Variants in SERGEF observed in about 807,000 individuals in gnomAD.
SERGEF encodes secretion regulating guanine nucleotide exchange factor.
In SERGEF, 51 loss-of-function variants were observed where a neutral mutation model predicts 50.0. The ratio of observed to expected loss-of-function variants is 1.02; its 90% CI spans 0.81 to 1.29. The LOEUF (loss-of-function observed/expected upper bound fraction) is 1.29. Among genes scored for constraint, SERGEF ranks in the 50% most tolerant of loss-of-function variants. SERGEF has a pLI of 0.00. For synonymous variants in SERGEF, 205 were observed against 212.4 expected, an observed-to-expected ratio of 0.97 and a Z score of 0.30; for missense variants, 521 against 557.0, an observed-to-expected ratio of 0.94 and a Z score of 0.65.
intron 8 of SERGEF, among the ~76,000 whole-genome samples, chr11:17,972,914 C>G (rs1384317300): frequency 2.0e-5 from 3 of 152,008 alleles, no homozygotes; most frequent in Non-Finnish European, 2.9e-5. Flanking sequence ...CTCTCCCTAT[C>G]TGGAACTGCC....
intron 9 of SERGEF, among the ~76,000 whole-genome samples, chr11:17,950,909 GAGGTCACT>G (rs1222374264): frequency 7.2e-5 from 11 of 152,328 alleles, no homozygotes; most frequent in African/African-American, 2.4e-4. Flanking sequence ...AGTAACATAT[GAGGTCACT>G]AGGACTTTAA....
At chr11:17,962,814 T>C (rs1476485484) in intron 8 of SERGEF, among the ~76,000 whole-genome samples, 1 of 152,064 alleles carries the variant, frequency 6.6e-6, no homozygotes, top group Non-Finnish European at 1.5e-5. Flanking sequence ...GGTGAACTTC[T>C]GGATAAGAAA....
intron 4 of SERGEF, chr11:18,001,924 G>A (rs1853970758): frequency 6.6e-6 from 3 of 451,962 alleles, no homozygotes; most frequent in Non-Finnish European, 8.9e-6. Context: ...ACCCTCAAGG[G>A]CAGGACCTGA....
intron 8 of SERGEF, among the ~76,000 whole-genome samples, chr11:17,966,051 G>A (rs978247320): frequency 6.6e-6 from 1 of 152,174 alleles, no homozygotes; most frequent in Non-Finnish European, 1.5e-5. Context: ...CTACCACTTT[G>A]TTAAATCTTC....
intron 10 of SERGEF, among the ~76,000 whole-genome samples, chr11:17,802,139 G>A (rs1849681628): frequency 6.6e-6 from 1 of 152,196 alleles, no homozygotes; most frequent in African/African-American, 2.4e-5. Flanking sequence ...CTCTCCTGAA[G>A]CAGGGTGTCA....
intron 10 of SERGEF, among the ~76,000 whole-genome samples, chr11:17,871,848 T>C (rs1382194760): frequency 3.9e-5 from 6 of 152,176 alleles, no homozygotes; most frequent in South Asian, 2.1e-4. Flanking sequence ...GGGGTGTAAA[T>C]TGGTGCAACT....
chr11:18,001,952 G>A, intron 4 of SERGEF: 1 of 456,018 alleles, frequency 2.2e-6, no homozygotes, highest in South Asian at 1.5e-5. Flanking sequence ...ATACCTTTAT[G>A]CCCAGGGCCT....
intron 5 of SERGEF, among the ~76,000 whole-genome samples, chr11:17,996,166 C>A (rs1853833805): frequency 6.6e-6 from 1 of 152,154 alleles, no homozygotes; most frequent in South Asian, 2.1e-4. Context: ...ACAAAAAGTT[C>A]CAGGACACTC....
intron 10 of SERGEF, among the ~76,000 whole-genome samples, chr11:17,828,538 T>G (rs1187571949): frequency 6.6e-6 from 1 of 152,222 alleles, no homozygotes; most frequent in Non-Finnish European, 1.5e-5. Context: ...ATAATACATT[T>G]TGTCATCTTG....
chr11:18,010,403 C>T (rs1854171890), intron 1 of SERGEF: 1 of 161,138 alleles, frequency 6.2e-6, no homozygotes, highest in South Asian at 1.8e-4. Context: ...GACATTATTA[C>T]TCCCATTTCA....
intron 9 of SERGEF, among the ~76,000 whole-genome samples, chr11:17,942,235 A>G (rs1852575860): frequency 6.6e-6 from 1 of 152,180 alleles, no homozygotes; most frequent in African/African-American, 2.4e-5. Flanking sequence ...GAGTTTTCCA[A>G]TCTGTGAGTG....
At chr11:17,789,811 A>T (rs1346553794) in intron 10 of SERGEF, among the ~76,000 whole-genome samples, 2 of 152,148 alleles carry the variant, frequency 1.3e-5, no homozygotes, top group Non-Finnish European at 2.9e-5. Flanking sequence ...CATGGATTGT[A>T]AAGTATTCAA....
intron 10 of SERGEF, among the ~76,000 whole-genome samples, chr11:17,798,224 T>G (rs905224251): frequency 2.0e-5 from 3 of 151,954 alleles, no homozygotes; most frequent in African/African-American, 7.2e-5. Flanking sequence ...TGCCCAGTTC[T>G]CTCTGTCAAT....
intron 10 of SERGEF, among the ~76,000 whole-genome samples, chr11:17,825,934 T>C (rs534319126): frequency 6.6e-6 from 1 of 152,162 alleles, no homozygotes; most frequent in Non-Finnish European, 1.5e-5. Context: ...AGAGTATGGG[T>C]TTGAATCCCA....
At chr11:17,995,448 A>T (rs1050609630) in intron 6 of SERGEF, among the ~76,000 whole-genome samples, 10 of 152,158 alleles carry the variant, frequency 6.6e-5, no homozygotes, top group African/African-American at 2.4e-4. Context: ...TTGGTGGGTA[A>T]ATTCAATCTG....
chr11:17,923,498 G>T (rs1852196388), intron 9 of SERGEF, among the ~76,000 whole-genome samples: 1 of 152,184 alleles, frequency 6.6e-6, no homozygotes, highest in African/African-American at 2.4e-5. Context: ...GAGACTCCTG[G>T]TACTCCAGAA....
chr11:17,992,992 A>T lies in SERGEF; in HGVS notation c.624T>A (p.Gly208=), dbSNP rs1318937169. The change falls in exon 7 of 11, where the codon GGT becomes GGA. Residue 208 remains glycine, a splice_region_variant and synonymous_variant. Coordinates refer to ENST00000265965, the MANE Select transcript of SERGEF (RefSeq NM_012139.4). ...FTAKEPSRVT[G]LENSKAMCVL... Reference sequence around the variant, plus strand: ...CACACATTGCTTTAGAATTCTCTAGACCTACAAAAGAAAAAATGTTCTTCT... The same window carrying T: ...CACACATTGCTTTAGAATTCTCTAGTCCTACAAAAGAAAAAATGTTCTTCT... The T allele has an allele frequency of 6.2e-7, 1 of 1,613,590 alleles. No homozygotes were observed. Among genetic ancestry groups the T allele is most frequent in the African/African-American group, 1.3e-5 (1 of 74,898 alleles).
chr11:17,917,993 C>T (rs1425061096), intron 9 of SERGEF, among the ~76,000 whole-genome samples: 3 of 152,140 alleles, frequency 2.0e-5, no homozygotes, highest in African/African-American at 7.2e-5. Flanking sequence ...CACAGATTAC[C>T]TTGTTCATCC....
At chr11:18,011,130 G>GCACACA (rs1226293429) in intron 1 of SERGEF, among the ~76,000 whole-genome samples, 1 of 117,016 alleles carries the variant, frequency 8.5e-6, no homozygotes, top group African/African-American at 3.7e-5. Context: ...ACGTGCACAT[G>GCACACA]CACACATACA....
Sources: allele counts gnomAD v4.1 joint callset (sites outside exome capture counted in the v4.1 genomes callset), GRCh38; gene constraint gnomAD v4.1.1; transcripts MANE v1.5; gene names NCBI Gene and HGNC (gene_info 2026-07-23, HGNC 2026-07-21).